The following NAALADL2 variants were observed in gnomAD, a reference collection of about 807,000 sequenced individuals.
The protein encoded by NAALADL2 is inactive N-acetylated-alpha-linked acidic dipeptidase-like protein 2.
Under a neutral mutation model 87.2 loss-of-function variants are expected in NAALADL2, and 76 were observed. That is an observed-to-expected ratio of 0.87 (90% CI 0.72 to 1.05). NAALADL2 has a LOEUF of 1.05. Ranked by LOEUF, NAALADL2 falls within the 50% of genes least tolerant of loss-of-function variation. The pLI, the probability that NAALADL2 is intolerant of heterozygous loss-of-function variation, is 0.00. For synonymous variants in NAALADL2, 354 were observed against 331.0 expected (o/e 1.07, Z -0.75); for missense variants, 1,089 against 945.8 (o/e 1.15, Z -1.99).
At chr3:175,318,031 T>A (rs1759374931) in intron 4 of NAALADL2, among the ~76,000 whole-genome samples, 1 of 152,062 alleles carries the variant, frequency 6.6e-6, no homozygotes, top group Non-Finnish European at 1.5e-5. Context: ...TTATAAAGAG[T>A]TTAAAATTAT....
chr3:175,124,221 G>T (rs145368791), intron 2 of NAALADL2, among the ~76,000 whole-genome samples: 1 of 151,958 alleles, frequency 6.6e-6, no homozygotes, highest in African/African-American at 2.4e-5. Flanking sequence ...ATAATTAGGC[G>T]AAGTAATAAT....
chr3:174,885,889 T>TAGA (rs1560324341), intron 1 of NAALADL2, among the ~76,000 whole-genome samples: 2 of 21,872 alleles, frequency 9.1e-5, no homozygotes, highest in Non-Finnish European at 1.8e-4. Flanking sequence ...TTTTTTTTTT[T>TAGA]TTTTTTTTTT....
intron 1 of NAALADL2, among the ~76,000 whole-genome samples, chr3:174,469,955 C>T (rs1716796731): frequency 6.6e-6 from 1 of 152,052 alleles, no homozygotes; most frequent in African/African-American, 2.4e-5. Context: ...CAATTACCAT[C>T]TTTATAGTAC....
chr3:175,646,598 C>T (rs533158938), intron 11 of NAALADL2, among the ~76,000 whole-genome samples: 8 of 152,058 alleles, frequency 5.3e-5, no homozygotes, highest in Non-Finnish European at 7.4e-5. Context: ...GCCTATTCCT[C>T]TATCCCTATG....
intron 4 of NAALADL2, among the ~76,000 whole-genome samples, chr3:175,262,832 G>T (rs1182766775): frequency 6.6e-6 from 1 of 151,812 alleles, no homozygotes; most frequent in African/African-American, 2.4e-5. Context: ...TTTTACATAT[G>T]ATCTGTATAG....
intron 1 of NAALADL2, among the ~76,000 whole-genome samples, chr3:174,937,921 T>C (rs1737942874): frequency 6.6e-6 from 1 of 152,096 alleles, no homozygotes; most frequent in Non-Finnish European, 1.5e-5. Flanking sequence ...CTAGAAAGTA[T>C]ATATATTTCT....
Position 175,525,383 on chromosome 3 carries a change from C to G in NAALADL2, c.1654-50658C>G, listed in dbSNP as rs12485551. The stretch of plus-strand genomic sequence containing the variant: ...TCTACCCCATCGTCCCATTTCTCCA[C>G]TCACTGTCAATTTACTTATCCATTC... On this transcript the variant is annotated intron_variant, in intron 9 of 13. Transcript: ENST00000454872. Among the ~76,000 whole-genome samples, 1,159 of 152,252 alleles carry G rather than the reference C, an allele frequency of 7.6e-3. 39 individuals carry two copies. Among genetic ancestry groups the G allele is most frequent in the Admixed American group, 0.055 (844 of 15,282 alleles).
chr3:174,584,409 G>T (rs1307983208), intron 2 of NAALADL2, among the ~76,000 whole-genome samples: 1 of 151,990 alleles, frequency 6.6e-6, no homozygotes, highest in African/African-American at 2.4e-5. Flanking sequence ...TGAAATCCCA[G>T]AAAATTATTT....
At chr3:174,527,519 C>CA (rs1339853258) in intron 1 of NAALADL2, among the ~76,000 whole-genome samples, 400 of 91,038 alleles carry the variant, frequency 4.4e-3, no homozygotes, top group East Asian at 0.015. Flanking sequence ...AACTCCATCT[C>CA]AAAAAAAAAA....
At chr3:174,890,573 CAG>C (rs1162593068) in intron 1 of NAALADL2, among the ~76,000 whole-genome samples, 8 of 152,064 alleles carry the variant, frequency 5.3e-5, no homozygotes, top group African/African-American at 1.9e-4. Flanking sequence ...TGAATAAGCA[CAG>C]AGAAATATGA....
intron 5 of NAALADL2, among the ~76,000 whole-genome samples, chr3:175,349,658 A>C (rs1763536931): frequency 6.6e-6 from 1 of 152,076 alleles, no homozygotes; most frequent in Non-Finnish European, 1.5e-5. Flanking sequence ...AGGTGAGAAA[A>C]TGTGAACTAC....
intron 3 of NAALADL2, among the ~76,000 whole-genome samples, chr3:174,739,433 T>C (rs993260345): frequency 8.5e-5 from 13 of 152,114 alleles, no homozygotes; most frequent in Admixed American, 2.6e-4. Flanking sequence ...GAGAGAATTA[T>C]AAGGAGCTAG....
rs772447340 is a variant in NAALADL2, at chr3:174,794,981, C to CTTTTTTTTTTTTTTT, written c.-9+57248_-9+57262dup. 3.7e-4 allele frequency among the ~76,000 whole-genome samples: 25 copies of CTTTTTTTTTTTTTTT among 66,696 alleles called. 3 individuals are homozygous for CTTTTTTTTTTTTTTT. The highest frequency in any genetic ancestry group is 5.9e-4 in the African/African-American group (10 of 16,880). The allele number at this position is 66,696 out of a possible 152,430, so 43.8% of individuals were successfully genotyped here. A position where few individuals can be genotyped will look rare whatever the true frequency, so the allele number is the denominator to read the frequency against. On this transcript the variant is annotated intron_variant, in intron 3 of 3. Coordinates refer to the NAALADL2 transcript ENST00000434257. ...TTAAAAGTTGAAACTTCTAGTCCAG[C>CTTTTTTTTTTTTTTT]TTTTTTTTTTTTTTTTTTTTTTTTT...
chr3:174,798,812 T>C (rs868070740), intron 3 of NAALADL2, among the ~76,000 whole-genome samples: 1 of 152,190 alleles, frequency 6.6e-6, no homozygotes, highest in South Asian at 2.1e-4. Context: ...TTAGTTCTAA[T>C]AGTTCTTTAG....
intron 2 of NAALADL2, among the ~76,000 whole-genome samples, chr3:175,217,310 C>G (rs181557553): frequency 6.6e-6 from 1 of 152,222 alleles, no homozygotes; most frequent in Admixed American, 6.5e-5. Flanking sequence ...CAACAGCATG[C>G]GTTCATTTCC....
intron 9 of NAALADL2, among the ~76,000 whole-genome samples, chr3:175,515,485 T>C (rs1731706383): frequency 6.6e-6 from 1 of 151,968 alleles, no homozygotes; most frequent in African/African-American, 2.4e-5. Flanking sequence ...ATGTTATTTG[T>C]GGAACTGAAA....
chr3:174,781,228 A>T (rs1485477547), intron 3 of NAALADL2, among the ~76,000 whole-genome samples: 1 of 151,510 alleles, frequency 6.6e-6, no homozygotes, highest in Non-Finnish European at 1.5e-5. Flanking sequence ...CCTTCATTTC[A>T]ATTTTGGTGA....
intron 10 of NAALADL2, among the ~76,000 whole-genome samples, chr3:175,612,437 G>C (rs1199579688): frequency 1.4e-4 from 22 of 152,116 alleles, no homozygotes; most frequent in Admixed American, 1.4e-3. Context: ...GAAACATGAG[G>C]TCATGATATA....
chr3:174,718,229 C>A (rs1325251342), intron 2 of NAALADL2, among the ~76,000 whole-genome samples: 1 of 152,130 alleles, frequency 6.6e-6, no homozygotes, highest in African/African-American at 2.4e-5. Flanking sequence ...GCTTATTTAT[C>A]TTTCCCATTT....
Sources: gnomAD v4.1 joint callset for allele counts (sites outside exome capture counted in the v4.1 genomes callset) on GRCh38, gnomAD v4.1.1 for gene constraint, MANE v1.5 for transcripts, NCBI Gene and HGNC (gene_info 2026-07-23, HGNC 2026-07-21) for gene names.